The following CSNK2A2 variants were observed in gnomAD, a reference collection of about 807,000 sequenced individuals.
The protein encoded by CSNK2A2 is casein kinase II subunit alpha'.
Under a neutral mutation model 54.0 loss-of-function variants are expected in CSNK2A2, and 8 were observed. The observed-to-expected ratio is 0.15, with a 90% confidence interval of 0.09 to 0.27. CSNK2A2 has a LOEUF of 0.27. Ranked by LOEUF, CSNK2A2 falls within the 10% of genes least tolerant of loss-of-function variation. CSNK2A2 has a pLI of 1.00. For synonymous variants in CSNK2A2, 141 were observed against 153.9 expected (o/e 0.92, Z 0.62); for missense variants, 242 against 439.4 (o/e 0.55, Z 4.02).
chr16:58,186,681 G>C, intron 3 of CSNK2A2, 74 bp downstream of exon 3: 3 of 1,017,560 alleles, frequency 2.9e-6, no homozygotes, highest in Non-Finnish European at 4.6e-6. Context: ...ATTACGTGAG[G>C]TTCTGTGTGT....
At chr16:58,160,297 T>A (rs1429711012) in intron 11 of CSNK2A2, 2 of 152,250 alleles carry the variant, frequency 1.3e-5, no homozygotes, top group African/African-American at 4.8e-5. Context: ...GTGACTCTGA[T>A]CGGTTATTAT....
intron 5 of CSNK2A2, 99 bp from the exon 6 acceptor site, chr16:58,168,792 G>C: frequency 1.1e-6 from 1 of 898,694 alleles, no homozygotes; most frequent in Admixed American, 2.5e-5. Flanking sequence ...CTTGAATACA[G>C]TCCCCCAACG....
At chr16:58,191,951 C>T (rs528959463) in intron 2 of CSNK2A2, among the ~76,000 whole-genome samples, 3 of 152,262 alleles carry the variant, frequency 2.0e-5, no homozygotes, top group Admixed American at 2.0e-4. Flanking sequence ...CGTCACAGAG[C>T]GTCTACAGTT....
chr16:58,189,948 A>G (rs1056548810), intron 2 of CSNK2A2, among the ~76,000 whole-genome samples: 1 of 152,166 alleles, frequency 6.6e-6, no homozygotes, highest in Non-Finnish European at 1.5e-5. Context: ...CAGAGATAAA[A>G]AGTTAGGATT....
chr16:58,191,119 CA>C (rs774136861), intron 2 of CSNK2A2, among the ~76,000 whole-genome samples: 15 of 152,084 alleles, frequency 9.9e-5, no homozygotes, highest in Non-Finnish European at 2.1e-4. Flanking sequence ...AATCCAGCCA[CA>C]AAAGGATAAA....
chr16:58,172,042 G>A, intron 5 of CSNK2A2, among the ~76,000 whole-genome samples: 1 of 129,582 alleles, frequency 7.7e-6, no homozygotes, highest in Non-Finnish European at 1.6e-5. Context: ...GGCTGGTCTT[G>A]AACTCCTGAG....
intron 4 of CSNK2A2, among the ~76,000 whole-genome samples, chr16:58,175,639 T>C (rs1244516577): frequency 6.6e-6 from 1 of 152,240 alleles, no homozygotes; most frequent in East Asian, 1.9e-4. Context: ...CTTTTCACTG[T>C]CTACCATTTT....
rs1300344143 is a variant in CSNK2A2 at position 58,164,063 on chromosome 16, T to C, written c.*8A>G. 6.2e-7 allele frequency: 1 copy of C among 1,612,510 alleles called. No individual in the cohort carries two copies. On this transcript the variant is annotated 3_prime_UTR_variant, in exon 11 of 12. Transcript: ENST00000262506. ...ATCAATGCCGCATTACCCGTCGCTT[T>C]CCAGTCTTCATCGTGCTGCCGTGAG...
At chr16:58,193,158 G>A (rs1345955455) in intron 2 of CSNK2A2, among the ~76,000 whole-genome samples, 1 of 152,206 alleles carries the variant, frequency 6.6e-6, no homozygotes, top group Non-Finnish European at 1.5e-5. Flanking sequence ...TCAGGAAGAT[G>A]TCTTCATACA....
intron 5 of CSNK2A2, among the ~76,000 whole-genome samples, chr16:58,172,639 T>C (rs529407020): frequency 6.6e-6 from 1 of 152,316 alleles, no homozygotes; most frequent in African/African-American, 2.4e-5. Context: ...GCTGAACAAA[T>C]ACAGTAAGGT....
chr16:58,196,431 G>C (rs1597128978), intron 2 of CSNK2A2, among the ~76,000 whole-genome samples: 1 of 152,064 alleles, frequency 6.6e-6, no homozygotes. Context: ...GACCAGCCTG[G>C]GCAACATGAC....
At chr16:58,186,224 ATAT>A (rs1378351701) in intron 3 of CSNK2A2, among the ~76,000 whole-genome samples, 2 of 152,130 alleles carry the variant, frequency 1.3e-5, no homozygotes, top group Non-Finnish European at 2.9e-5. Context: ...ACTGACAAAA[ATAT>A]TTTAGTCTAT....
chr16:58,195,473 AACAGCTTTTCTATACC>A lies in CSNK2A2; in HGVS notation c.216+1244_216+1259del, dbSNP rs539335666. On this transcript the variant is annotated intron_variant, in intron 2 of 11. Coordinates refer to ENST00000262506, the MANE Select transcript of CSNK2A2 (RefSeq NM_001896.4). ...TATACCAGCTGCCCTAGCACACAGA[AACAGCTTTTCTATACC>A]ACAGCTTTTCTAGTCCACAGAACCT... Among the ~76,000 whole-genome samples the A allele has an allele frequency of 8.8e-4, 134 of 151,770 alleles. 1 individual carries two copies. The highest frequency in any genetic ancestry group is 8.4e-3 in the South Asian group (39 of 4,658).
At chr16:58,174,378 C>A (rs1489463199) in intron 5 of CSNK2A2, 73 bp downstream of exon 5, 1 of 1,087,456 alleles carries the variant, frequency 9.2e-7, no homozygotes, top group Non-Finnish European at 1.3e-6. Context: ...CTTAAGTTCT[C>A]TTTGTTCTCT....
chr16:58,195,764 AAC>A (rs1364171317), intron 2 of CSNK2A2, among the ~76,000 whole-genome samples: 1 of 152,266 alleles, frequency 6.6e-6, no homozygotes, highest in Admixed American at 6.5e-5. Context: ...TCAAAGAGAT[AAC>A]GTCATATCAT....
At position 58,166,697 on chromosome 16, in the gene CSNK2A2, A is replaced by C; in HGVS notation, c.727-13T>G. The C allele has an allele frequency of 6.3e-7, 1 of 1,590,954 alleles. No homozygotes were observed. Among genetic ancestry groups the C allele is most frequent in the South Asian group, 1.1e-5 (1 of 90,632 alleles). On this transcript the variant is annotated splice_polypyrimidine_tract_variant and intron_variant, in intron 8 of 11. Transcript: ENST00000262506. ...CAATGCGAACAAGCTGAAACACAAA[A>C]CAAACTGACCAAATCACTGAGCACA...
intron 5 of CSNK2A2, among the ~76,000 whole-genome samples, chr16:58,172,192 A>G (rs573560096): frequency 1.3e-5 from 2 of 150,680 alleles, no homozygotes; most frequent in Admixed American, 6.6e-5. Context: ...ACTATACTGG[A>G]TATCATCGTC....
Position 58,166,694 on chromosome 16 carries a change from A to G in CSNK2A2, c.727-10T>C. 2 of 1,599,850 alleles carry G rather than the reference A, an allele frequency of 1.3e-6. No individual in the cohort carries two copies. Among genetic ancestry groups the G allele is most frequent in the Non-Finnish European group, 1.7e-6 (2 of 1,167,434 alleles). On this transcript the variant is annotated splice_polypyrimidine_tract_variant and intron_variant, in intron 8 of 11. Transcript: ENST00000262506. ...TGGCAATGCGAACAAGCTGAAACAC[A>G]AAACAAACTGACCAAATCACTGAGC...
intron 5 of CSNK2A2, among the ~76,000 whole-genome samples, chr16:58,170,432 A>G (rs953914286): frequency 6.6e-5 from 10 of 152,134 alleles, no homozygotes; most frequent in African/African-American, 1.9e-4. Context: ...GTAGTATTCC[A>G]CTACTAGCTG....
Sources: gnomAD v4.1 joint callset for allele counts (sites outside exome capture counted in the v4.1 genomes callset) on GRCh38, gnomAD v4.1.1 for gene constraint, MANE v1.5 for transcripts, NCBI Gene and HGNC (gene_info 2026-07-23, HGNC 2026-07-21) for gene names.